Variants in PARD3 observed in about 807,000 individuals in gnomAD.
PARD3 encodes the protein par-3 family cell polarity regulator.
A neutral mutation model predicts 155.4 loss-of-function variants in PARD3; 75 were observed. The observed-to-expected ratio is 0.48, with a 90% confidence interval of 0.40 to 0.58. PARD3 has a LOEUF of 0.58. Among genes scored for constraint, PARD3 ranks in the 20% least tolerant of loss-of-function variants. The pLI is 0.00. For missense variants in PARD3, 1,642 were observed against 1,721.7 expected, an observed-to-expected ratio of 0.95 and a Z score of 0.82; for synonymous variants, 576 against 610.5, an observed-to-expected ratio of 0.94 and a Z score of 0.83.
intron 1 of PARD3, among the ~76,000 whole-genome samples, chr10:34,770,913 G>T (rs1838780014): frequency 1.3e-5 from 2 of 152,134 alleles, no homozygotes; most frequent in African/African-American, 4.8e-5. Flanking sequence ...GATCTTTAAG[G>T]TCTGACATCA....
intron 22 of PARD3, among the ~76,000 whole-genome samples, chr10:34,154,625 A>T (rs936828641): frequency 1.3e-5 from 2 of 152,202 alleles, no homozygotes; most frequent in African/African-American, 4.8e-5. Flanking sequence ...ACTAAAGCGC[A>T]TTCATGGAAG....
chr10:34,211,372 C>T (rs760740426), intron 22 of PARD3, among the ~76,000 whole-genome samples: 6 of 152,004 alleles, frequency 3.9e-5, no homozygotes, highest in African/African-American at 1.2e-4. Context: ...GTTAGGCCAG[C>T]GGGAAGGGAG....
At chr10:34,661,006 T>C (rs960456331) in intron 2 of PARD3, among the ~76,000 whole-genome samples, 1 of 152,190 alleles carries the variant, frequency 6.6e-6, no homozygotes, top group East Asian at 1.9e-4. Flanking sequence ...GTTACTTTTT[T>C]AAAAATAGAA....
chr10:34,550,970 C>A (rs1291640894), intron 2 of PARD3, among the ~76,000 whole-genome samples: 2 of 152,202 alleles, frequency 1.3e-5, no homozygotes, highest in Non-Finnish European at 2.9e-5. Context: ...TTACGCAGGT[C>A]ATTTTAATGC....
At chr10:34,211,081 T>C (rs571333954) in intron 22 of PARD3, among the ~76,000 whole-genome samples, 1 of 152,216 alleles carries the variant, frequency 6.6e-6, no homozygotes, top group Non-Finnish European at 1.5e-5. Flanking sequence ...GACGTGAGAA[T>C]TGAGAACAGA....
chr10:34,612,279 A>C (rs2090968296), intron 2 of PARD3, among the ~76,000 whole-genome samples: 1 of 151,984 alleles, frequency 6.6e-6, no homozygotes, highest in Admixed American at 6.5e-5. Flanking sequence ...TATGAAAAAT[A>C]ATAATAATTA....
chr10:34,411,318 G>T (rs978683418), intron 5 of PARD3, among the ~76,000 whole-genome samples: 2 of 152,182 alleles, frequency 1.3e-5, no homozygotes, highest in Non-Finnish European at 2.9e-5. Flanking sequence ...ACTTGACGGG[G>T]TCCCATGACA....
chr10:34,426,399 T>C (rs2075606837), intron 5 of PARD3, among the ~76,000 whole-genome samples: 2 of 152,174 alleles, frequency 1.3e-5, no homozygotes, highest in Admixed American at 1.3e-4. Flanking sequence ...ACTTTTTGCA[T>C]GTGCTTGGTG....
intron 19 of PARD3, among the ~76,000 whole-genome samples, chr10:34,322,348 T>C (rs1250044499): frequency 1.3e-5 from 2 of 152,212 alleles, no homozygotes; most frequent in Non-Finnish European, 2.9e-5. Flanking sequence ...AGAAAAATGT[T>C]GGGTCTTTGG....
chr10:34,399,044 A>G (rs571971155), intron 7 of PARD3, among the ~76,000 whole-genome samples: 2 of 152,312 alleles, frequency 1.3e-5, no homozygotes, highest in African/African-American at 2.4e-5. Flanking sequence ...TTGAAAGTCC[A>G]TCATCAATTT....
At chr10:34,432,088 G>GA (rs2132547518) in intron 5 of PARD3, among the ~76,000 whole-genome samples, 1 of 107,264 alleles carries the variant, frequency 9.3e-6, no homozygotes, top group Admixed American at 1.0e-4. Flanking sequence ...AGAGAACCCA[G>GA]AATATCAAGA....
chr10:34,146,228 T>C (rs1948498276), intron 22 of PARD3, among the ~76,000 whole-genome samples: 1 of 152,226 alleles, frequency 6.6e-6, no homozygotes, highest in Non-Finnish European at 1.5e-5. Context: ...TAATTCTCAA[T>C]TATTTTCAAA....
chr10:34,366,510 A>G (rs1410972019), intron 12 of PARD3, among the ~76,000 whole-genome samples: 1 of 152,152 alleles, frequency 6.6e-6, no homozygotes, highest in Non-Finnish European at 1.5e-5. Context: ...TGCTTGGGAC[A>G]AAGATGGGCT....
intron 2 of PARD3, among the ~76,000 whole-genome samples, chr10:34,690,682 C>T (rs971719751): frequency 6.6e-6 from 1 of 152,134 alleles, no homozygotes. Flanking sequence ...AGCCACGCCT[C>T]GCTAGCTCTA....
intron 14 of PARD3, among the ~76,000 whole-genome samples, chr10:34,353,641 G>C (rs1838442533): frequency 6.6e-6 from 1 of 151,782 alleles, no homozygotes; most frequent in Admixed American, 6.6e-5. Context: ...TTTATCTGCT[G>C]ACCTTCCATC....
intron 2 of PARD3, among the ~76,000 whole-genome samples, chr10:34,551,631 CA>C (rs1209592072): frequency 1.3e-5 from 2 of 152,122 alleles, no homozygotes. Context: ...CAGGCAGGGG[CA>C]ATAACGGGGT....
At chr10:34,764,394 T>C (rs187620313) in intron 1 of PARD3, among the ~76,000 whole-genome samples, 33 of 152,256 alleles carry the variant, frequency 2.2e-4, no homozygotes, top group Middle Eastern at 6.8e-3. Context: ...GGTTGGAAAA[T>C]ACAGTTTAAA....
intron 2 of PARD3, among the ~76,000 whole-genome samples, chr10:34,686,713 C>G (rs2093958893): frequency 6.6e-6 from 1 of 151,330 alleles, no homozygotes; most frequent in South Asian, 2.1e-4. Flanking sequence ...TGCACTCCAG[C>G]CTGGGAAACA....
chr10:34,705,920 A>T (rs572748071), intron 1 of PARD3, among the ~76,000 whole-genome samples: 26 of 152,344 alleles, frequency 1.7e-4, no homozygotes, highest in African/African-American at 6.3e-4. Context: ...TCTTATTAGA[A>T]CTAGCACATA....
Sources: gnomAD v4.1 joint callset for allele counts (sites outside exome capture counted in the v4.1 genomes callset) on GRCh38, gnomAD v4.1.1 for gene constraint, MANE v1.5 for transcripts, NCBI Gene and HGNC (gene_info 2026-07-23, HGNC 2026-07-21) for gene names.